SLC7A14: variants seen among roughly 807,000 people sequenced by gnomAD.
SLC7A14 encodes gamma-aminobutyric acid transporter SLC7A14.
SLC7A14 carries 37 observed loss-of-function variants against 60.2 expected under a neutral mutation model. The observed-to-expected ratio is 0.61, with a 90% CI of 0.47 to 0.81. The LOEUF is 0.81. Ranked by LOEUF, SLC7A14 falls within the 30% of genes least tolerant of loss-of-function variation. SLC7A14 has a pLI of 0.00. For synonymous variants in SLC7A14, 399 were observed against 395.8 expected, an observed-to-expected ratio of 1.01 and a Z score of -0.10; for missense variants, 886 against 982.7, an observed-to-expected ratio of 0.90 and a Z score of 1.32.
At position 170,480,711 on chromosome 3, in the gene SLC7A14, T is replaced by A; in HGVS notation, c.1571A>T (p.Glu524Val). The stretch of plus-strand genomic sequence containing the variant: ...CTTGATGAGATAAATATTTTCGGAT[T>A]CATCAGCTTCTATGCCTGTGGTCAT... Reference protein sequence around the residue: ...VDMTTGIEADESENIYLIKLK... With the variant: ...VDMTTGIEADVSENIYLIKLK... The change falls in exon 7 of 8, where the codon GAA (glutamate) becomes GTA (valine). Residue 524 changes from glutamate (E) to valine (V), a missense_variant. Transcript: ENST00000231706. 1 of 1,614,244 alleles carries A rather than the reference T, an allele frequency of 6.2e-7. No homozygotes were observed. The highest frequency in any genetic ancestry group is 8.5e-7 in the Non-Finnish European group (1 of 1,180,036).
intron 2 of SLC7A14, among the ~76,000 whole-genome samples, chr3:170,515,580 A>C (rs1344193385): frequency 1.3e-5 from 2 of 151,130 alleles, no homozygotes; most frequent in Admixed American, 6.6e-5. Context: ...ACAGGGACTA[A>C]TTGCACCTGG....
In SLC7A14 at chr3:170,550,512, AT is replaced by A. The variant is rs369436642; in HGVS notation, c.-152-23425del. On this transcript the variant is annotated intron_variant, in intron 1 of 7. Transcript: ENST00000231706. ...TAAACCTAATGCCATCTTTCCTTGAATTTTTTTTTTTTTTTTTTTTTTTTTG... is the reference window on the plus strand; with the variant it reads ...TAAACCTAATGCCATCTTTCCTTGAATTTTTTTTTTTTTTTTTTTTTTTTG... Among the ~76,000 whole-genome samples the A allele has an allele frequency of 2.6e-3, 156 of 60,600 alleles. 1 individual carries two copies. Among genetic ancestry groups the A allele is most frequent in the African/African-American group, 3.4e-3 (39 of 11,470 alleles). The allele number at this position is 60,600 out of a possible 152,430, so 39.8% of individuals were successfully genotyped here. A position where few individuals can be genotyped will look rare whatever the true frequency, so the allele number is the denominator to read the frequency against.
chr3:170,486,545 G>A (rs1712037848), intron 4 of SLC7A14, among the ~76,000 whole-genome samples, 177 bp from the exon 5 acceptor site: 1 of 152,162 alleles, frequency 6.6e-6, no homozygotes, highest in African/African-American at 2.4e-5. Flanking sequence ...TAGCTGTGTG[G>A]CTGTGGGCAA....
chr3:170,517,110 T>A (rs535088878), intron 2 of SLC7A14, among the ~76,000 whole-genome samples: 3 of 152,172 alleles, frequency 2.0e-5, no homozygotes, highest in Non-Finnish European at 4.4e-5. Flanking sequence ...AATGAGATAA[T>A]GTATGCACAG....
Position 170,480,410 on chromosome 3 carries a change from C to A in SLC7A14, c.1872G>T (p.Lys624Asn). Reference sequence around the variant, plus strand: ...GGAGGCAAGGGGCCATGTAGGGCAGCTTCTTGGGGTTCTCTGGCTGCTGCA... The same window carrying A: ...GGAGGCAAGGGGCCATGTAGGGCAGATTCTTGGGGTTCTCTGGCTGCTGCA... ...VILQQPENPK[K>N]LPYMAPCLPF... Residue 624 changes from lysine (K) to asparagine (N), a missense_variant, in exon 7 of 8, where the codon AAG (lysine) becomes AAT (asparagine). Physicochemically the swap from Lys to Asn is moderately conservative, Grantham distance 94 (BLOSUM62 0). Transcript: ENST00000231706. The A allele has an allele frequency of 6.2e-7, 1 of 1,613,412 alleles. No individual in the cohort carries two copies.
chr3:170,484,338 C>T (rs892069651), intron 5 of SLC7A14, among the ~76,000 whole-genome samples: 2 of 152,204 alleles, frequency 1.3e-5, no homozygotes, highest in African/African-American at 4.8e-5. Context: ...AACACTCTGC[C>T]TACGGGGAGA....
At chr3:170,478,743 C>T (rs911481897) in intron 7 of SLC7A14, among the ~76,000 whole-genome samples, 13 of 152,062 alleles carry the variant, frequency 8.5e-5, no homozygotes, top group African/African-American at 2.2e-4. Flanking sequence ...GCACATACTG[C>T]GGGCACCCTG....
At chr3:170,476,509 T>A (rs1711621290) in intron 7 of SLC7A14, among the ~76,000 whole-genome samples, 1 of 152,166 alleles carries the variant, frequency 6.6e-6, no homozygotes, top group Admixed American at 6.5e-5. Flanking sequence ...TTGGAGTTTG[T>A]GCTATCAGCA....
In SLC7A14 at chr3:170,576,195, A is replaced by G. The variant is rs911322325; in HGVS notation, c.-153+9716T>C. 6.6e-5 allele frequency among the ~76,000 whole-genome samples: 10 copies of G among 152,314 alleles called. No homozygotes were observed. The South Asian group carries it at 1.9e-3, about 28-fold the overall frequency. Reference sequence around the variant, plus strand: ...TATGTTATAGCATGTGTCATGTTGCATACATAATTAGTGGGGATTACATCT... The same window carrying G: ...TATGTTATAGCATGTGTCATGTTGCGTACATAATTAGTGGGGATTACATCT... On this transcript the variant is annotated intron_variant, in intron 1 of 7. Coordinates refer to ENST00000231706, the MANE Select transcript of SLC7A14 (RefSeq NM_020949.3).
At chr3:170,544,335 G>C (rs1018907807) in intron 1 of SLC7A14, among the ~76,000 whole-genome samples, 8 of 151,758 alleles carry the variant, frequency 5.3e-5, no homozygotes, top group African/African-American at 1.9e-4. Flanking sequence ...AGGTAAAATA[G>C]ACACACACAC....
intron 7 of SLC7A14, among the ~76,000 whole-genome samples, chr3:170,470,400 T>G (rs934993440): frequency 6.6e-6 from 1 of 151,992 alleles, no homozygotes; most frequent in African/African-American, 2.4e-5. Context: ...TTTTACTTTG[T>G]GAAGACAATC....
chr3:170,544,375 CT>C (rs1362629852), intron 1 of SLC7A14, among the ~76,000 whole-genome samples: 1 of 152,122 alleles, frequency 6.6e-6, no homozygotes, highest in Non-Finnish European at 1.5e-5. Context: ...AGAAGAGCCT[CT>C]TTTTGGGAGG....
At chr3:170,583,569 A>G (rs1255019140) in intron 1 of SLC7A14, among the ~76,000 whole-genome samples, 3 of 152,220 alleles carry the variant, frequency 2.0e-5, no homozygotes, top group Admixed American at 6.5e-5. Context: ...TGTGACTTAG[A>G]CTAATGACCA....
In SLC7A14 at chr3:170,562,010, C is replaced by T. The variant is rs116081497; in HGVS notation, c.-153+23901G>A. On this transcript the variant is annotated intron_variant, in intron 1 of 7. Coordinates refer to ENST00000231706, the MANE Select transcript of SLC7A14 (RefSeq NM_020949.3). ...AATATAATAGATGTTGGCATGGATG[C>T]GGTGAAAAGGAAACACTTTTACACT... is the stretch of plus-strand genomic sequence containing the variant. Among the ~76,000 whole-genome samples, 532 of 152,222 alleles carry T rather than the reference C, an allele frequency of 3.5e-3. 5 individuals carry two copies. The highest frequency in any genetic ancestry group is 0.012 in the African/African-American group (510 of 41,526).
chr3:170,544,019 A>G (rs1364156047), intron 1 of SLC7A14, among the ~76,000 whole-genome samples: 1 of 151,992 alleles, frequency 6.6e-6, no homozygotes, highest in African/African-American at 2.4e-5. Context: ...AAGTGCTGGG[A>G]TTACAGGCAT....
chr3:170,533,994 A>G (rs1304191535), intron 1 of SLC7A14, among the ~76,000 whole-genome samples: 3 of 152,222 alleles, frequency 2.0e-5, no homozygotes, highest in Non-Finnish European at 4.4e-5. Flanking sequence ...TAATGACTGC[A>G]TATTTTAGCT....
chr3:170,552,023 TC>T (rs1337844438), intron 1 of SLC7A14, among the ~76,000 whole-genome samples: 1 of 152,238 alleles, frequency 6.6e-6, no homozygotes, highest in East Asian at 1.9e-4. Context: ...TATATTTTCT[TC>T]CAAGAATTTT....
Position 170,467,343 on chromosome 3 carries a change from G to T in SLC7A14, c.2028C>A (p.Asn676Lys). Reference sequence around the variant, plus strand: ...CTCGAGCGCTGATTTCCAGGGTGCTGTTCCAGATGCCATATCCAAAATAAA... The same window carrying T: ...CTCGAGCGCTGATTTCCAGGGTGCTTTTCCAGATGCCATATCCAAAATAAA... ...LLIYFGYGIW[N>K]STLEISAREE... Residue 676 changes from asparagine to lysine, a missense_variant, in exon 8 of 8, where the codon AAC becomes AAA. By Grantham distance (94) the Asn-to-Lys change is moderately conservative (BLOSUM62 0). Transcript: ENST00000231706. 1 of 1,608,766 alleles carries T rather than the reference G, an allele frequency of 6.2e-7. No homozygotes were observed. Among genetic ancestry groups the T allele is most frequent in the Non-Finnish European group, 8.5e-7 (1 of 1,177,150 alleles).
At chr3:170,519,593 T>A (rs900388256) in intron 2 of SLC7A14, among the ~76,000 whole-genome samples, 8 of 152,264 alleles carry the variant, frequency 5.3e-5, no homozygotes, top group Middle Eastern at 3.4e-3. Context: ...CTGGCCAACA[T>A]GATGAAACCC....
Sources: allele counts gnomAD v4.1 joint callset (sites outside exome capture counted in the v4.1 genomes callset), GRCh38; gene constraint gnomAD v4.1.1; transcripts MANE v1.5; gene names NCBI Gene and HGNC (gene_info 2026-07-23, HGNC 2026-07-21).